REEP2: variants seen among roughly 807,000 people sequenced by gnomAD.
The protein encoded by REEP2 is receptor accessory protein 2, also known as receptor expression-enhancing protein 2.
Under a neutral mutation model 32.1 loss-of-function variants are expected in REEP2, and 9 were observed. That is an observed-to-expected ratio of 0.28 (90% confidence interval 0.17 to 0.49). REEP2 has a LOEUF of 0.49. Ranked by LOEUF, REEP2 falls within the 20% of genes least tolerant of loss-of-function variation. REEP2 has a pLI of 0.99. For missense variants in REEP2, 236 were observed against 338.0 expected, an observed-to-expected ratio of 0.70 and a Z score of 2.37; for synonymous variants, 128 against 139.1, an observed-to-expected ratio of 0.92 and a Z score of 0.56.
intron 1 of REEP2, among the ~76,000 whole-genome samples, chr5:138,440,142 G>A (rs932422807): frequency 1.3e-5 from 2 of 152,216 alleles, no homozygotes; most frequent in African/African-American, 4.8e-5. Flanking sequence ...GCTATCCCCT[G>A]CCCTAATGAG....
intron 5 of REEP2, 123 bp downstream of exon 5, chr5:138,444,990 C>A: frequency 1.3e-6 from 1 of 799,006 alleles, no homozygotes; most frequent in Non-Finnish European, 2.0e-6. Context: ...CAGCTGGAGG[C>A]TCCAGTCCAG....
Position 138,441,264 on chromosome 5 carries a change from C to T in REEP2, c.106-121C>T. ...CAGCGCCTCCAACATGGCTGGCAGG[C>T]AGAAGTGGGGTCCTTGGTGTTCTCC... On this transcript the variant is annotated intron_variant, in intron 2 of 7. Transcript: ENST00000378339. This position sits in a 1 kb window ranked among gnomAD's most constrained non-coding sequence, Gnocchi z 4.4. 7.9e-7 allele frequency: 1 copy of T among 1,266,958 alleles called. No individual in the cohort carries two copies. Among genetic ancestry groups the T allele is most frequent in the Non-Finnish European group, 1.1e-6 (1 of 872,216 alleles). 78.5% of individuals were successfully genotyped at this position (1,266,958 alleles called of 1,614,324 possible).
chr5:138,441,926 C>CAA lies in REEP2; in HGVS notation c.182+474_182+475dup, dbSNP rs879934443. ...TGGGCAACAGAGTGAGACTCCGTCT[C>CAA]AAAAAAAAAACAAACAAACAAGGAG... On this transcript the variant is annotated intron_variant, in intron 3 of 7. Transcript: ENST00000378339. The surrounding 1 kb of genome is among the most constrained non-coding windows in gnomAD (Gnocchi z 4.4). Among the ~76,000 whole-genome samples, 2 of 145,126 alleles carry CAA rather than the reference C, an allele frequency of 1.4e-5. No individual in the cohort carries two copies. Among genetic ancestry groups the CAA allele is most frequent in the African/African-American group, 2.5e-5 (1 of 39,438 alleles).
chr5:138,445,829 G>T lies in REEP2; in HGVS notation c.*78G>T. On this transcript the variant is annotated 3_prime_UTR_variant, in exon 8 of 8. Transcript: ENST00000378339. ...TCAGACCCAGCCCCTGCTCCACACT[G>T]TGCCAGTAGCCTAGGTGTCTCAGGC... is the stretch of plus-strand genomic sequence containing the variant. 1 of 1,402,560 alleles carries T rather than the reference G, an allele frequency of 7.1e-7. No individual in the cohort carries two copies. Among genetic ancestry groups the T allele is most frequent in the Admixed American group, 2.2e-5 (1 of 45,926 alleles). 86.9% of individuals were successfully genotyped at this position (1,402,560 alleles called of 1,614,324 possible). A position where few individuals can be genotyped will look rare whatever the true frequency, so the allele number is the denominator to read the frequency against.
intron 3 of REEP2, among the ~76,000 whole-genome samples, chr5:138,442,791 G>A (rs907474619): frequency 1.3e-5 from 2 of 151,604 alleles, no homozygotes; most frequent in African/African-American, 4.9e-5. Context: ...AACCCAGGAG[G>A]CGGAGCTTGC....
chr5:138,445,324 G>T lies in REEP2; in HGVS notation c.514G>T (p.Gly172Cys), dbSNP rs776897232. 1.1e-5 allele frequency: 17 copies of T among 1,613,456 alleles called. No homozygotes were observed. The South Asian group carries it at 1.6e-4, about 16-fold the overall frequency. The change falls in exon 6 of 8, where the codon GGC becomes TGC. Residue 172 changes from glycine to cysteine, a missense_variant. Gly to Cys is a radical substitution (Grantham distance 159, BLOSUM62 -3). Coordinates refer to ENST00000378339, the MANE Select transcript of REEP2 (RefSeq NM_001271803.2). ...EDALPLQRPDGRLRPSPGSLL... is the reference protein window; with the variant it reads ...EDALPLQRPDCRLRPSPGSLL... ...CGCACTGCCCCTGCAGAGGCCTGAC[G>T]GCCGCCTCCGACCCAGCCCTGGCAG...
In REEP2 at chr5:138,446,479, CCA is replaced by C. The variant is rs1176690729; in HGVS notation, c.*731_*732del. The C allele has an allele frequency of 3.3e-5, 5 of 152,616 alleles. No homozygotes were observed. The East Asian group carries it at 5.8e-4, about 18-fold the overall frequency. 9.5% of individuals were successfully genotyped at this position (152,616 alleles called of 1,614,324 possible). A position where few individuals can be genotyped will look rare whatever the true frequency, so the allele number is the denominator to read the frequency against. ...CAGTCGCCTCCTCCCACCCTGAGCC[CCA>C]CAGTCATCTGGCCCTTTCCCTGCTC... On this transcript the variant is annotated 3_prime_UTR_variant, in exon 8 of 8. Transcript: ENST00000378339.
intron 1 of REEP2, among the ~76,000 whole-genome samples, chr5:138,440,096 G>T (rs372107745): frequency 6.6e-5 from 10 of 152,208 alleles, no homozygotes; most frequent in East Asian, 1.9e-4. Flanking sequence ...ATTGTCAAGG[G>T]GCTGAGCCTG....
chr5:138,445,203 T>TCC, intron 5 of REEP2, 25 bp from the exon 6 acceptor site: 1 of 1,562,280 alleles, frequency 6.4e-7, no homozygotes, highest in African/African-American at 1.4e-5. Context: ...CCCCCGGCTC[T>TCC]CCCGGTGCGT....
chr5:138,445,508 G>A lies in REEP2; in HGVS notation c.606G>A (p.Pro202=), dbSNP rs139556429. The change falls in exon 7 of 8, where the codon CCG becomes CCA. Residue 202 remains proline (P), a synonymous_variant. Coordinates refer to ENST00000378339, the MANE Select transcript of REEP2 (RefSeq NM_001271803.2). The part of the protein sequence containing the change: ...PALSLRSSTN[P]ADSRTEASED... ...TGAGTCTAAGGTCCAGCACAAACCC[G>A]GCAGATTCCCGGACAGAGGCTTCTG... is the stretch of plus-strand genomic sequence containing the variant. The A allele has an allele frequency of 2.0e-5, 32 of 1,614,016 alleles. No individual in the cohort carries two copies. Among genetic ancestry groups the A allele is most frequent in the Middle Eastern group, 1.6e-4 (1 of 6,084 alleles).
rs747439641 is a variant in REEP2 at position 138,445,531 on chromosome 5, C to T, written c.629C>T (p.Ser210Phe). Residue 210 changes from serine to phenylalanine, a missense_variant, in exon 7 of 8, where the codon TCT becomes TTT. Coordinates refer to ENST00000378339, the MANE Select transcript of REEP2 (RefSeq NM_001271803.2). ...CCGGCAGATTCCCGGACAGAGGCTT[C>T]TGAGGATGACATGGGAGACAAAGCT... ...TNPADSRTEASEDDMGDKAPK... is the reference protein window; with the variant it reads ...TNPADSRTEAFEDDMGDKAPK... 6.2e-7 allele frequency: 1 copy of T among 1,614,188 alleles called. No individual in the cohort carries two copies. The highest frequency in any genetic ancestry group is 8.5e-7 in the Non-Finnish European group (1 of 1,180,026).
Position 138,445,300 on chromosome 5 carries a change from G to C in REEP2, c.490G>C (p.Ala164Pro). 6.2e-7 allele frequency: 1 copy of C among 1,613,524 alleles called. No homozygotes were observed. The highest frequency in any genetic ancestry group is 8.5e-7 in the Non-Finnish European group (1 of 1,179,950). The stretch of plus-strand genomic sequence containing the variant: ...CCTGACCCTGATCCGGGACGAGGAC[G>C]CACTGCCCCTGCAGAGGCCTGACGG... The part of the protein sequence containing the change: ...QDLTLIRDED[A>P]LPLQRPDGRL... Residue 164 changes from alanine (A) to proline (P), a missense_variant, in exon 6 of 8, where the codon GCA (alanine) becomes CCA (proline). Physicochemically the swap from Ala to Pro is conservative, Grantham distance 27. Transcript: ENST00000378339.
chr5:138,444,722 C>G (rs536754179), intron 4 of REEP2, 32 bp from the exon 5 acceptor site: 2 of 1,602,454 alleles, frequency 1.2e-6, no homozygotes, highest in African/African-American at 2.7e-5. Flanking sequence ...GGCAGGACCT[C>G]TCCTCTTCTC....
At chr5:138,439,583 G>C in intron 1 of REEP2, 1 of 505,870 alleles carries the variant, frequency 2.0e-6, no homozygotes. Flanking sequence ...AGCAGGTCTG[G>C]GCTGGAGGAG....
intron 5 of REEP2, 46 bp downstream of exon 5, chr5:138,444,913 A>C (rs778878815): frequency 6.9e-7 from 1 of 1,443,602 alleles, no homozygotes; most frequent in South Asian, 1.2e-5. Flanking sequence ...TACCTTGTAC[A>C]AAGGGCCCTG....
chr5:138,444,256 C>T, intron 3 of REEP2, 159 bp from the exon 4 acceptor site: 1 of 779,722 alleles, frequency 1.3e-6, no homozygotes, highest in Non-Finnish European at 2.0e-6. Context: ...CCTCCAGACC[C>T]TTTCAGATTA....
intron 3 of REEP2, among the ~76,000 whole-genome samples, chr5:138,443,334 C>A (rs1452723392): frequency 6.6e-6 from 1 of 151,506 alleles, no homozygotes; most frequent in East Asian, 2.0e-4. Context: ...GTGGCACATG[C>A]CTGTAATCCC....
intron 1 of REEP2, 77 bp downstream of exon 1, chr5:138,439,317 G>T: frequency 7.4e-7 from 1 of 1,344,816 alleles, no homozygotes. Flanking sequence ...GGACTTCTCC[G>T]AAGCTTCGTG....
rs373668640 is a variant in REEP2 at position 138,445,757 on chromosome 5, T to G, written c.*6T>G. 5.6e-6 allele frequency: 9 copies of G among 1,612,732 alleles called. No individual in the cohort carries two copies. The African/African-American group carries it at 1.1e-4, about 19-fold the overall frequency. On this transcript the variant is annotated 3_prime_UTR_variant, in exon 8 of 8. Coordinates refer to ENST00000378339, the MANE Select transcript of REEP2 (RefSeq NM_001271803.2). ...GCGGGGGCGACTCAGCTTGAGCCCCTCCACCCCCGCAGGCTGCAGAGCAAG... is the reference window on the plus strand; with the variant it reads ...GCGGGGGCGACTCAGCTTGAGCCCCGCCACCCCCGCAGGCTGCAGAGCAAG...
Sources: gnomAD v4.1 joint callset for allele counts (sites outside exome capture counted in the v4.1 genomes callset) on GRCh38, gnomAD v4.1.1 for gene constraint, Gnocchi (gnomAD v3.1) non-coding constraint, MANE v1.5 for transcripts, NCBI Gene and HGNC (gene_info 2026-07-23, HGNC 2026-07-21) for gene names.